The following ABCA13 variants were observed in gnomAD, a reference collection of about 807,000 sequenced individuals.
The protein encoded by ABCA13 is ATP-binding cassette sub-family A member 13.
In ABCA13, 476 loss-of-function variants were observed where a neutral mutation model predicts 478.7. The observed-to-expected ratio is 0.99, with a 90% CI of 0.92 to 1.07. ABCA13 has a LOEUF of 1.07. Ranked by LOEUF, ABCA13 falls within the 50% of genes least tolerant of loss-of-function variation. ABCA13 has a pLI of 0.00. For missense variants in ABCA13, 6,060 were observed against 5,910.6 expected, an observed-to-expected ratio of 1.03 and a Z score of -0.83; for synonymous variants, 2,252 against 2,158.9, an observed-to-expected ratio of 1.04 and a Z score of -1.20.
chr7:48,636,035 G>T (rs1586057925), intron 59 of ABCA13, among the ~76,000 whole-genome samples: 1 of 152,082 alleles, frequency 6.6e-6, no homozygotes, highest in Admixed American at 6.6e-5. Flanking sequence ...TATTGTACCT[G>T]CACCTAAAGT....
In ABCA13 at chr7:48,410,817, C is replaced by T. The variant is rs1297868205; in HGVS notation, c.12228+140C>T. 7 of 1,254,244 alleles carry T rather than the reference C, an allele frequency of 5.6e-6. No homozygotes were observed. The Admixed American group carries it at 1.6e-4, about 29-fold the overall frequency. The allele number at this position is 1,254,244 out of a possible 1,614,324, so 77.7% of individuals were successfully genotyped here. On this transcript the variant is annotated intron_variant, in intron 40 of 61. Transcript: ENST00000435803. ...TGGCCCACATGCCAAAATAAGTGGCCCCAGGCCTGTGCAGGGAGCAAGCCT... is the reference window on the plus strand; with the variant it reads ...TGGCCCACATGCCAAAATAAGTGGCTCCAGGCCTGTGCAGGGAGCAAGCCT...
At chr7:48,538,631 A>T (rs961776048) in intron 55 of ABCA13, among the ~76,000 whole-genome samples, 3 of 152,154 alleles carry the variant, frequency 2.0e-5, no homozygotes, top group Middle Eastern at 3.2e-3. Flanking sequence ...AATACAACTT[A>T]ATGTATTATT....
At position 48,272,760 on chromosome 7, in the gene ABCA13, C is replaced by G. The variant is rs751007106; in HGVS notation, c.3094C>G (p.Gln1032Glu). The change falls in exon 17 of 62, where the codon CAA (glutamine) becomes GAA (glutamate). Residue 1032 changes from glutamine to glutamate, a missense_variant. Gln to Glu is a conservative substitution (Grantham distance 29). Around this residue, in one of 3 missense-constraint regions of ABCA13, gnomAD observed 4,423 missense variants for 4,309.1 expected, o/e 1.03. Transcript: ENST00000435803. ...AATTTCTAATGTATCTTACTGTCAGCAATTGCTTTCAATTTTTAACTTTTT... is the reference window on the plus strand; with the variant it reads ...AATTTCTAATGTATCTTACTGTCAGGAATTGCTTTCAATTTTTAACTTTTT... ...GGISNVSYCQQLLSIFNFLEL... is the reference protein window; with the variant it reads ...GGISNVSYCQELLSIFNFLEL... 1.2e-6 allele frequency: 2 copies of G among 1,606,456 alleles called. No homozygotes were observed. The highest frequency in any genetic ancestry group is 1.3e-5 in the African/African-American group (1 of 74,856).
chr7:48,581,210 G>GATTCT (rs1312848119), intron 56 of ABCA13, among the ~76,000 whole-genome samples: 2 of 152,166 alleles, frequency 1.3e-5, no homozygotes, highest in Non-Finnish European at 2.9e-5. Context: ...CTGCGGGAGA[G>GATTCT]GGAAAATTCT....
chr7:48,566,802 A>G (rs1787116665), intron 55 of ABCA13, among the ~76,000 whole-genome samples: 1 of 152,188 alleles, frequency 6.6e-6, no homozygotes, highest in Admixed American at 6.6e-5. Context: ...TTCACAGAGC[A>G]GCAGGTATTT....
At chr7:48,219,735 A>G (rs1017531706) in intron 4 of ABCA13, among the ~76,000 whole-genome samples, 2 of 152,162 alleles carry the variant, frequency 1.3e-5, no homozygotes, top group Non-Finnish European at 2.9e-5. Flanking sequence ...CACACACTGC[A>G]TAACCTTCAG....
chr7:48,179,916 C>T (rs1214280497), intron 1 of ABCA13, among the ~76,000 whole-genome samples: 1 of 152,128 alleles, frequency 6.6e-6, no homozygotes, highest in Non-Finnish European at 1.5e-5. Context: ...CACACTCCTG[C>T]GTGACAGAAC....
chr7:48,309,033 G>GCACACACACACA (rs10523187), intron 23 of ABCA13, among the ~76,000 whole-genome samples: 6,525 of 138,024 alleles, frequency 0.047, 187 homozygotes, highest in South Asian at 0.057. Context: ...ACACATGACT[G>GCACACACACACA]CACACACACA....
At position 48,217,843 on chromosome 7, in the gene ABCA13, C is replaced by A. The variant is rs1221845106; in HGVS notation, c.288-1511C>A. Among the ~76,000 whole-genome samples the A allele has an allele frequency of 3.3e-5, 5 of 152,286 alleles. No individual in the cohort carries two copies. The East Asian group carries it at 7.7e-4, about 24-fold the overall frequency. On this transcript the variant is annotated intron_variant, in intron 3 of 61. Transcript: ENST00000435803. ...TCTCTTGATCTCCCCACTGTAATCT[C>A]TTTTATCCCCTTCCCTTTGCAAGTC...
At chr7:48,391,645 A>C (rs1178778900) in intron 37 of ABCA13, among the ~76,000 whole-genome samples, 3 of 152,182 alleles carry the variant, frequency 2.0e-5, no homozygotes, top group African/African-American at 7.2e-5. Flanking sequence ...AATATTTTCA[A>C]CTTTTTATGG....
chr7:48,182,744 T>C (rs534239642), intron 1 of ABCA13, among the ~76,000 whole-genome samples: 1 of 152,202 alleles, frequency 6.6e-6, no homozygotes, highest in Non-Finnish European at 1.5e-5. Flanking sequence ...AAAAATTCAC[T>C]TGGGGAAGGA....
At chr7:48,421,735 A>C (rs1475851564) in intron 41 of ABCA13, among the ~76,000 whole-genome samples, 1 of 152,206 alleles carries the variant, frequency 6.6e-6, no homozygotes, top group African/African-American at 2.4e-5. Flanking sequence ...AAAGTAAAAG[A>C]TCCACCTCTA....
chr7:48,627,321 A>G (rs1793759610), intron 59 of ABCA13, among the ~76,000 whole-genome samples: 1 of 152,186 alleles, frequency 6.6e-6, no homozygotes, highest in Non-Finnish European at 1.5e-5. Flanking sequence ...TGACTAAAGA[A>G]CAAAGCTTTG....
At chr7:48,188,980 G>C (rs1206106015) in intron 1 of ABCA13, among the ~76,000 whole-genome samples, 2 of 152,166 alleles carry the variant, frequency 1.3e-5, no homozygotes, top group African/African-American at 2.4e-5. Flanking sequence ...TGGAAGAGTA[G>C]GAGGGCTTTG....
At chr7:48,248,749 A>G (rs1322629970) in intron 14 of ABCA13, among the ~76,000 whole-genome samples, 3 of 152,166 alleles carry the variant, frequency 2.0e-5, no homozygotes, top group African/African-American at 7.2e-5. Context: ...ATTGTGCACT[A>G]AGTACAAATG....
At chr7:48,472,200 G>A (rs540308951) in intron 45 of ABCA13, among the ~76,000 whole-genome samples, 1 of 152,222 alleles carries the variant, frequency 6.6e-6, no homozygotes, top group Admixed American at 6.5e-5. Context: ...CAATAAGCAA[G>A]TATGATGACA....
At chr7:48,489,094 A>G (rs1829610166) in intron 47 of ABCA13, 142 bp from the exon 48 acceptor site, 2 of 598,712 alleles carry the variant, frequency 3.3e-6, no homozygotes, top group Non-Finnish European at 5.9e-6. Flanking sequence ...ACTGTCAGCC[A>G]TGCAGGAACA....
intron 23 of ABCA13, among the ~76,000 whole-genome samples, chr7:48,304,881 C>T (rs1483351181): frequency 2.6e-5 from 4 of 152,234 alleles, no homozygotes; most frequent in Non-Finnish European, 5.9e-5. Flanking sequence ...CCACAGATCT[C>T]CTAGGCATCC....
chr7:48,357,475 C>T lies in ABCA13; in HGVS notation c.10688+4988C>T, dbSNP rs1042493385. On this transcript the variant is annotated intron_variant, in intron 31 of 61. Transcript: ENST00000435803. ...AAAACCCTCATTAAATTTTACAATTCTTCACTTTCTCAAGCCCCACACAGC... is the reference window on the plus strand; with the variant it reads ...AAAACCCTCATTAAATTTTACAATTTTTCACTTTCTCAAGCCCCACACAGC... 5.3e-5 allele frequency among the ~76,000 whole-genome samples: 8 copies of T among 151,944 alleles called. No homozygotes were observed. In the East Asian group the frequency reaches 1.5e-3, roughly 29 times the overall value.
Sources: gnomAD v4.1 joint callset for allele counts (sites outside exome capture counted in the v4.1 genomes callset) on GRCh38, gnomAD v4.1.1 for gene constraint, gnomAD v4.1.1 regional missense constraint, MANE v1.5 for transcripts, NCBI Gene and HGNC (gene_info 2026-07-23, HGNC 2026-07-21) for gene names.